Variants in ZCCHC14 observed in about 807,000 individuals in gnomAD.
The protein encoded by ZCCHC14 is zinc finger CCHC domain-containing protein 14.
A neutral mutation model predicts 85.0 loss-of-function variants in ZCCHC14; 16 were observed. That is an observed-to-expected ratio of 0.19 (90% CI 0.13 to 0.29). The LOEUF is 0.29. ZCCHC14 is among the 10% of genes least tolerant of loss of function. The pLI is 1.00. For missense variants in ZCCHC14, 1,303 were observed against 1,443.5 expected, an observed-to-expected ratio of 0.90 and a Z score of 1.58; for synonymous variants, 775 against 630.7, an observed-to-expected ratio of 1.23 and a Z score of -3.43.
intron 2 of ZCCHC14, among the ~76,000 whole-genome samples, chr16:87,436,251 G>C (rs543892947): frequency 6.6e-6 from 1 of 152,272 alleles, no homozygotes; most frequent in African/African-American, 2.4e-5. Context: ...AAATAAAAGA[G>C]GCATTTCCAA....
chr16:87,411,539 G>A lies in ZCCHC14; in HGVS notation c.3182C>T (p.Pro1061Leu), dbSNP rs1019978492. The change falls in exon 12 of 13, where the codon CCG becomes CTG. Residue 1061 changes from proline to leucine, a missense_variant. Physicochemically the swap from Pro to Leu is moderately conservative, Grantham distance 98 (BLOSUM62 -3). Coordinates refer to ENST00000671377, the MANE Select transcript of ZCCHC14 (RefSeq NM_015144.3). ...ACCTGGCCGGTTGAAGTCCATGGACGGCTGTTTGCAGTCCTGGGCGCGGTG... is the reference window on the plus strand; with the variant it reads ...ACCTGGCCGGTTGAAGTCCATGGACAGCTGTTTGCAGTCCTGGGCGCGGTG... ...TGHRAQDCKQPSMDFNRPGTF... is the reference protein window; with the variant it reads ...TGHRAQDCKQLSMDFNRPGTF... 1.6e-5 allele frequency: 26 copies of A among 1,613,490 alleles called. No homozygotes were observed. Among genetic ancestry groups the A allele is most frequent in the Admixed American group, 1.7e-5 (1 of 60,014 alleles).
chr16:87,453,585 G>A (rs964667200), intron 2 of ZCCHC14, among the ~76,000 whole-genome samples: 12 of 152,222 alleles, frequency 7.9e-5, no homozygotes, highest in Non-Finnish European at 1.8e-4. Context: ...ACGGTGGAGG[G>A]CCGACTTCGC....
chr16:87,423,754 C>CA (rs1198467502), intron 4 of ZCCHC14, 56 bp downstream of exon 4: 5 of 1,585,544 alleles, frequency 3.2e-6, no homozygotes, highest in Non-Finnish European at 4.3e-6. Flanking sequence ...GTGGTATCAT[C>CA]AGCCACTGGG....
In ZCCHC14 at chr16:87,491,995, C is replaced by T. The variant is rs1912793497; in HGVS notation, c.244G>A (p.Val82Met). 7.2e-7 allele frequency: 1 copy of T among 1,395,190 alleles called. No individual in the cohort carries two copies. Among genetic ancestry groups the T allele is most frequent in the Non-Finnish European group, 9.3e-7 (1 of 1,079,470 alleles). 86.4% of individuals were successfully genotyped at this position (1,395,190 alleles called of 1,614,324 possible). A position where few individuals can be genotyped will look rare whatever the true frequency, so the allele number is the denominator to read the frequency against. The part of the protein sequence containing the change: ...LGSLTNLTDE[V>M]VRSKLLVSLA... ...GACACCAGCAGCTTGCTGCGCACCA[C>T]CTCGTCCGTCAGGTTGGTGAGGCTG... Residue 82 changes from valine (V) to methionine (M), a missense_variant, in exon 1 of 13, where the codon GTG becomes ATG. Val to Met is a conservative substitution (Grantham distance 21). Coordinates refer to ENST00000671377, the MANE Select transcript of ZCCHC14 (RefSeq NM_015144.3). This position sits in a 1 kb window ranked among gnomAD's most constrained non-coding sequence, Gnocchi z 5.9.
rs974815627 is a variant in ZCCHC14 at position 87,407,649 on chromosome 16, A to T, written c.*2631T>A. 6 of 152,282 alleles carry T rather than the reference A, an allele frequency of 3.9e-5. No individual in the cohort carries two copies. Among genetic ancestry groups the T allele is most frequent in the African/African-American group, 1.4e-4 (6 of 41,478 alleles). The allele number at this position is 152,282 out of a possible 1,614,324, so 9.4% of individuals were successfully genotyped here. ...ATCTGACAGACTACAAAGGGCAAAGACGTGGCACATGGCCAGTGCCACACC... is the reference window on the plus strand; with the variant it reads ...ATCTGACAGACTACAAAGGGCAAAGTCGTGGCACATGGCCAGTGCCACACC... On this transcript the variant is annotated 3_prime_UTR_variant, in exon 13 of 13. Coordinates refer to ENST00000671377, the MANE Select transcript of ZCCHC14 (RefSeq NM_015144.3).
At chr16:87,469,337 C>A (rs547654957) in intron 1 of ZCCHC14, among the ~76,000 whole-genome samples, 1 of 152,350 alleles carries the variant, frequency 6.6e-6, no homozygotes, top group Non-Finnish European at 1.5e-5. Flanking sequence ...ACAAGAAAAA[C>A]TGAATGTCAG....
Position 87,433,008 on chromosome 16 carries a change from C to A in ZCCHC14, c.768+120G>T, listed in dbSNP as rs1909739127. On this transcript the variant is annotated intron_variant, in intron 3 of 12. Transcript: ENST00000671377. ...CCGAGCTCAGGGCCAGCTTCCTATACAGCACTGGCACGGGGCTTTGCACAA... is the reference window on the plus strand; with the variant it reads ...CCGAGCTCAGGGCCAGCTTCCTATAAAGCACTGGCACGGGGCTTTGCACAA... 5.8e-6 allele frequency: 5 copies of A among 864,094 alleles called. No homozygotes were observed. In the Admixed American group the frequency reaches 1.4e-4, roughly 24 times the overall value. 53.5% of individuals were successfully genotyped at this position (864,094 alleles called of 1,614,324 possible).
chr16:87,487,403 C>T (rs1161246134), intron 1 of ZCCHC14, among the ~76,000 whole-genome samples: 1 of 152,188 alleles, frequency 6.6e-6, no homozygotes, highest in Admixed American at 6.5e-5. Context: ...TCAGGCGGGG[C>T]CCCGCCCCTG....
At chr16:87,480,335 G>A (rs541620632) in intron 1 of ZCCHC14, among the ~76,000 whole-genome samples, 138 of 152,056 alleles carry the variant, frequency 9.1e-4, no homozygotes, top group African/African-American at 3.1e-3. Flanking sequence ...CCCGGGAGGC[G>A]GAGCTTGCAG....
chr16:87,450,503 T>C (rs949552811), intron 2 of ZCCHC14, among the ~76,000 whole-genome samples: 4 of 152,192 alleles, frequency 2.6e-5, no homozygotes, highest in African/African-American at 9.7e-5. Context: ...TTTCATTTGT[T>C]AGTTCTTCAC....
rs577264294 is a variant in ZCCHC14, at chr16:87,452,333, G to A, written c.694+7675C>T. 3.9e-5 allele frequency among the ~76,000 whole-genome samples: 6 copies of A among 152,334 alleles called. No individual in the cohort carries two copies. In the East Asian group the frequency reaches 5.8e-4, roughly 15 times the overall value. On this transcript the variant is annotated intron_variant, in intron 2 of 12. Transcript: ENST00000671377. ...GCTGGCAGCTCCATGCTGGGTGGGC[G>A]ACTGCATACCCACTGGCTGCATGGG...
intron 2 of ZCCHC14, among the ~76,000 whole-genome samples, chr16:87,445,064 A>C (rs1410879061): frequency 7.9e-6 from 1 of 126,424 alleles, no homozygotes; most frequent in Non-Finnish European, 1.8e-5. Context: ...TGTTTTTCAA[A>C]ATAAACTTTT....
chr16:87,407,277 A>G lies in ZCCHC14; in HGVS notation c.*3003T>C, dbSNP rs1353317422. 1 of 152,222 alleles carries G rather than the reference A, an allele frequency of 6.6e-6. No homozygotes were observed. The highest frequency in any genetic ancestry group is 2.4e-5 in the African/African-American group (1 of 41,462). 9.4% of individuals were successfully genotyped at this position (152,222 alleles called of 1,614,324 possible). On this transcript the variant is annotated 3_prime_UTR_variant, in exon 13 of 13. Coordinates refer to ENST00000671377, the MANE Select transcript of ZCCHC14 (RefSeq NM_015144.3). ...AACCTACTAACACTACTGTATTAAC[A>G]AGCTGACTCCTGTAATCTTTTGGAG...
At chr16:87,465,177 T>C (rs1373399025) in intron 1 of ZCCHC14, among the ~76,000 whole-genome samples, 1 of 152,198 alleles carries the variant, frequency 6.6e-6, no homozygotes, top group Non-Finnish European at 1.5e-5. Context: ...TACTCAAACG[T>C]CCTTCTTAGC....
intron 2 of ZCCHC14, among the ~76,000 whole-genome samples, chr16:87,434,561 G>C (rs73240837): frequency 0.092 from 13,975 of 152,250 alleles, 2,088 homozygotes; most frequent in African/African-American, 0.31. Flanking sequence ...CAACTTCTCA[G>C]AACTGTGAAT....
intron 1 of ZCCHC14, among the ~76,000 whole-genome samples, chr16:87,482,028 C>A (rs1415192529): frequency 1.3e-5 from 2 of 152,160 alleles, no homozygotes; most frequent in Non-Finnish European, 2.9e-5. Flanking sequence ...AAAAACCACT[C>A]TCCGGTGACA....
intron 2 of ZCCHC14, among the ~76,000 whole-genome samples, chr16:87,439,029 A>T (rs1025260656): frequency 1.3e-5 from 2 of 152,202 alleles, no homozygotes; most frequent in African/African-American, 4.8e-5. Context: ...AAGCTAAGAC[A>T]AGCCACGAAC....
chr16:87,423,744 G>A lies in ZCCHC14; in HGVS notation c.840+66C>T, dbSNP rs146736359. 5.5e-4 allele frequency: 860 copies of A among 1,568,222 alleles called. 1 individual carries two copies. The African/African-American group carries it at 9.4e-3, about 17-fold the overall frequency. On this transcript the variant is annotated intron_variant, in intron 4 of 12. Coordinates refer to ENST00000671377, the MANE Select transcript of ZCCHC14 (RefSeq NM_015144.3). ...AGGGAGTGGCCTCTGAAATTACTCC[G>A]TGGTATCATCAGCCACTGGGGAATG...
intron 3 of ZCCHC14, among the ~76,000 whole-genome samples, chr16:87,426,104 G>A (rs1909355812): frequency 6.6e-6 from 1 of 152,174 alleles, no homozygotes. Flanking sequence ...CAGTCAGGCG[G>A]AGACCAGCCC....
Sources: allele counts gnomAD v4.1 joint callset (sites outside exome capture counted in the v4.1 genomes callset), GRCh38; gene constraint gnomAD v4.1.1; non-coding constraint Gnocchi (gnomAD v3.1); transcripts MANE v1.5; gene names NCBI Gene and HGNC (gene_info 2026-07-23, HGNC 2026-07-21).